The following SMYD3 variants were observed in gnomAD, a reference collection of about 807,000 sequenced individuals.
SMYD3 encodes the protein histone-lysine N-methyltransferase SMYD3.
A neutral mutation model predicts 57.7 loss-of-function variants in SMYD3; 36 were observed. The observed-to-expected ratio is 0.62, with a 90% CI of 0.48 to 0.82. The LOEUF (loss-of-function observed/expected upper bound fraction) is 0.82, where lower values mean the gene tolerates loss of function less well. Ranked by LOEUF, SMYD3 falls within the 40% of genes least tolerant of loss-of-function variation. The probability of loss-of-function intolerance (pLI) is 0.00; values close to 1 mark genes in which losing one functional copy is unlikely to be tolerated. For synonymous variants in SMYD3, 211 were observed against 195.0 expected (o/e 1.08, Z -0.68); for missense variants, 515 against 538.8 (o/e 0.96, Z 0.44).
chr1:246,231,699 A>G (rs2063410893), intron 5 of SMYD3, among the ~76,000 whole-genome samples: 1 of 152,214 alleles, frequency 6.6e-6, no homozygotes, highest in African/African-American at 2.4e-5. Context: ...CCAGTTCATC[A>G]GAAACAGGAC....
At chr1:245,873,251 A>G (rs1007081830) in intron 8 of SMYD3, among the ~76,000 whole-genome samples, 1 of 152,226 alleles carries the variant, frequency 6.6e-6, no homozygotes, top group Non-Finnish European at 1.5e-5. Context: ...TGATGTAATA[A>G]CATATAATGG....
chr1:245,750,770 A>T (rs2045313935), intron 11 of SMYD3, among the ~76,000 whole-genome samples: 1 of 152,180 alleles, frequency 6.6e-6, no homozygotes, highest in South Asian at 2.1e-4. Flanking sequence ...GGACACCAGA[A>T]CCACTGCATT....
intron 1 of SMYD3, among the ~76,000 whole-genome samples, chr1:246,377,079 G>A (rs1216789338): frequency 6.6e-6 from 1 of 152,014 alleles, no homozygotes; most frequent in African/African-American, 2.4e-5. Context: ...CAGCCTGGGC[G>A]ACAGAGGCTT....
chr1:246,231,318 G>C (rs999138225), intron 5 of SMYD3, among the ~76,000 whole-genome samples: 2 of 152,112 alleles, frequency 1.3e-5, no homozygotes, highest in Admixed American at 6.5e-5. Context: ...GTCCAGAAAG[G>C]AGCTTCTGTA....
intron 5 of SMYD3, among the ~76,000 whole-genome samples, chr1:246,136,881 C>T (rs540911227): frequency 6.6e-6 from 1 of 152,310 alleles, no homozygotes; most frequent in African/African-American, 2.4e-5. Flanking sequence ...TTCTGCAGAG[C>T]ACAGTCTGCC....
intron 5 of SMYD3, among the ~76,000 whole-genome samples, chr1:246,092,055 T>C (rs886346096): frequency 1.3e-5 from 2 of 152,188 alleles, no homozygotes; most frequent in African/African-American, 2.4e-5. Context: ...ATAAATATTA[T>C]ATAAGATTCT....
chr1:246,439,341 A>G (rs2067429030), intron 1 of SMYD3, among the ~76,000 whole-genome samples: 1 of 152,146 alleles, frequency 6.6e-6, no homozygotes, highest in Non-Finnish European at 1.5e-5. Flanking sequence ...ATAGTCCAAC[A>G]ATTCAAGTTT....
intron 5 of SMYD3, among the ~76,000 whole-genome samples, chr1:246,260,514 G>C (rs148507071): frequency 2.6e-5 from 4 of 151,584 alleles, no homozygotes; most frequent in Non-Finnish European, 4.4e-5. Flanking sequence ...GCAATGGCCC[G>C]ACCTTGGCTC....
intron 1 of SMYD3, among the ~76,000 whole-genome samples, chr1:246,485,676 C>G (rs2068177491): frequency 6.6e-6 from 1 of 151,936 alleles, no homozygotes; most frequent in Non-Finnish European, 1.5e-5. Context: ...GCCTGTAGTC[C>G]CAGCTATTTG....
At chr1:246,319,215 G>C (rs1379669460) in intron 5 of SMYD3, among the ~76,000 whole-genome samples, 3 of 152,174 alleles carry the variant, frequency 2.0e-5, no homozygotes, top group South Asian at 4.1e-4. Context: ...CATCCTAGCT[G>C]TTTGCCTGCT....
chr1:246,472,635 T>C (rs760165198), intron 1 of SMYD3, among the ~76,000 whole-genome samples: 1 of 151,636 alleles, frequency 6.6e-6, no homozygotes, highest in Non-Finnish European at 1.5e-5. Flanking sequence ...TCCCAGCTAC[T>C]GGGGAGGCTG....
intron 5 of SMYD3, among the ~76,000 whole-genome samples, chr1:246,137,923 T>C (rs755893266): frequency 5.3e-5 from 8 of 152,188 alleles, no homozygotes; most frequent in Non-Finnish European, 1.2e-4. Flanking sequence ...AATCTCCAAA[T>C]TCCTCTCAGA....
chr1:245,759,818 C>T (rs899943695), intron 11 of SMYD3, among the ~76,000 whole-genome samples: 5 of 151,932 alleles, frequency 3.3e-5, no homozygotes, highest in African/African-American at 9.7e-5. Flanking sequence ...CTAACTTTTG[C>T]AACCAGATTT....
At chr1:246,273,495 T>A (rs928227598) in intron 5 of SMYD3, among the ~76,000 whole-genome samples, 1 of 151,914 alleles carries the variant, frequency 6.6e-6, no homozygotes, top group Non-Finnish European at 1.5e-5. Flanking sequence ...ATTGGAATCT[T>A]CTTTTTTCTT....
intron 5 of SMYD3, among the ~76,000 whole-genome samples, chr1:246,176,431 C>T (rs571985329): frequency 6.6e-6 from 1 of 152,190 alleles, no homozygotes; most frequent in African/African-American, 2.4e-5. Flanking sequence ...AAAAAAGTAA[C>T]ATTTGACTCT....
intron 5 of SMYD3, among the ~76,000 whole-genome samples, chr1:246,171,583 C>A (rs1186941416): frequency 6.6e-6 from 1 of 152,186 alleles, no homozygotes; most frequent in South Asian, 2.1e-4. Context: ...ACCTGGGCTA[C>A]ATGATATTGC....
intron 5 of SMYD3, among the ~76,000 whole-genome samples, chr1:246,074,770 C>A (rs1219178175): frequency 6.6e-6 from 1 of 152,142 alleles, no homozygotes; most frequent in Non-Finnish European, 1.5e-5. Context: ...CTCTGGGTGA[C>A]CCCTACTATC....
At chr1:246,184,386 T>C (rs966904961) in intron 5 of SMYD3, among the ~76,000 whole-genome samples, 2 of 152,218 alleles carry the variant, frequency 1.3e-5, no homozygotes, top group African/African-American at 2.4e-5. Flanking sequence ...CTTCTAATTA[T>C]AGAAGCACCC....
chr1:245,868,244 C>T (rs1289406325), intron 8 of SMYD3, among the ~76,000 whole-genome samples: 8 of 152,184 alleles, frequency 5.3e-5, no homozygotes, highest in African/African-American at 1.9e-4. Context: ...CCTTCTACCC[C>T]TAATTGCCGA....
Sources: allele counts gnomAD v4.1 joint callset (sites outside exome capture counted in the v4.1 genomes callset), GRCh38; gene constraint gnomAD v4.1.1; transcripts MANE v1.5; gene names NCBI Gene and HGNC (gene_info 2026-07-23, HGNC 2026-07-21).